Variants in SPAG17 observed in about 807,000 individuals in gnomAD.
SPAG17 encodes sperm associated antigen 17, also known as sperm-associated antigen 17.
A neutral mutation model predicts 273.6 loss-of-function variants in SPAG17; 169 were observed. The ratio of observed to expected loss-of-function variants is 0.62; its 90% CI spans 0.55 to 0.70. The LOEUF is 0.70. SPAG17 is among the 30% of genes least tolerant of loss of function. The pLI is 0.00. For synonymous variants in SPAG17, 825 were observed against 873.2 expected (o/e 0.94, Z 0.97); for missense variants, 2,557 against 2,627.8 (o/e 0.97, Z 0.59).
intron 34 of SPAG17, among the ~76,000 whole-genome samples, 177 bp downstream of exon 34, chr1:117,996,193 T>C (rs755512481): frequency 3.9e-5 from 6 of 152,108 alleles, no homozygotes; most frequent in African/African-American, 1.4e-4. Flanking sequence ...CAAGTAGCTA[T>C]ATAAATAAGT....
chr1:118,151,332 T>C lies in SPAG17; in HGVS notation c.125A>G (p.Asn42Ser), dbSNP rs754282860. 6 of 1,612,756 alleles carry C rather than the reference T, an allele frequency of 3.7e-6. 1 individual carries two copies. The South Asian group carries it at 6.6e-5, about 18-fold the overall frequency. ...WQASIAFVVG[N>S]QIEDDLLIQA... ...GATGAGAAGATCATCTTCAATCTGG[T>C]TCCCAACCACAAAAGCAATGGAGGC... is the stretch of plus-strand genomic sequence containing the variant. The change falls in exon 2 of 49, where the codon AAC becomes AGC. Residue 42 changes from asparagine to serine, a missense_variant. Coordinates refer to ENST00000336338, the MANE Select transcript of SPAG17 (RefSeq NM_206996.4).
At chr1:118,036,910 A>AT in intron 23 of SPAG17, 27 bp from the exon 24 acceptor site, 1 of 1,451,852 alleles carries the variant, frequency 6.9e-7, no homozygotes, top group Non-Finnish European at 9.5e-7. Flanking sequence ...AATCAAGAAC[A>AT]TTTTCATTTA....
chr1:118,135,729 A>G (rs1294088306), intron 3 of SPAG17, among the ~76,000 whole-genome samples: 1 of 152,162 alleles, frequency 6.6e-6, no homozygotes, highest in African/African-American at 2.4e-5. Flanking sequence ...CTGAGGCCAA[A>G]TGTGTGTGAG....
chr1:118,170,159 C>G (rs1003039034), intron 1 of SPAG17, among the ~76,000 whole-genome samples: 1 of 152,092 alleles, frequency 6.6e-6, no homozygotes, highest in African/African-American at 2.4e-5. Flanking sequence ...CTTCATATTT[C>G]AAAGTAAATC....
At chr1:117,978,730 C>T (rs918996663) in intron 43 of SPAG17, among the ~76,000 whole-genome samples, 1 of 152,116 alleles carries the variant, frequency 6.6e-6, no homozygotes, top group Non-Finnish European at 1.5e-5. Context: ...CAGTGATCTT[C>T]ATCTTGTTCA....
intron 13 of SPAG17, among the ~76,000 whole-genome samples, chr1:118,082,533 T>C (rs1022732909): frequency 1.3e-5 from 2 of 152,200 alleles, no homozygotes; most frequent in Admixed American, 6.5e-5. Flanking sequence ...TTTGTTCATT[T>C]CTCAAATATT....
intron 15 of SPAG17, among the ~76,000 whole-genome samples, chr1:118,079,985 T>C (rs1654409179): frequency 1.3e-5 from 2 of 152,334 alleles, no homozygotes; most frequent in Middle Eastern, 3.4e-3. Context: ...GACGCTATGG[T>C]ATAATGGAGG....
At chr1:118,093,382 T>C in intron 7 of SPAG17, 65 bp from the exon 8 acceptor site, 11 of 1,418,256 alleles carry the variant, frequency 7.8e-6, no homozygotes, top group African/African-American at 1.4e-5. Context: ...AGATATATGG[T>C]ATATATCTCT....
rs1287799642 is a variant in SPAG17, at chr1:118,081,253, T to TCATTATCTTG, written c.2047_2056dup (p.Glu686AlafsTer3). On this transcript the variant is annotated stop_gained and frameshift_variant, in exon 15 of 49. Transcript: ENST00000336338. LOFTEE classifies it high-confidence loss of function. ...AGGATCTGAAGGTTCTCGGTTGCTTTCATTATCTTGCACAGACATTGACAA... is the reference window on the plus strand; with the variant it reads ...AGGATCTGAAGGTTCTCGGTTGCTTTCATTATCTTGCATTATCTTGCACAGACATTGACAA... 4 of 1,614,034 alleles carry TCATTATCTTG rather than the reference T, an allele frequency of 2.5e-6. No homozygotes were observed. The highest frequency in any genetic ancestry group is 1.3e-5 in the African/African-American group (1 of 74,932).
chr1:117,970,428 G>C (rs930460920), intron 45 of SPAG17, among the ~76,000 whole-genome samples: 1 of 152,192 alleles, frequency 6.6e-6, no homozygotes, highest in Non-Finnish European at 1.5e-5. Context: ...GCATTTCAGC[G>C]TAGCTGCCAG....
At chr1:117,999,831 T>A (rs953132515) in intron 32 of SPAG17, among the ~76,000 whole-genome samples, 4 of 152,170 alleles carry the variant, frequency 2.6e-5, no homozygotes. Flanking sequence ...AGTTTAATTA[T>A]ATCTCATTTG....
intron 25 of SPAG17, among the ~76,000 whole-genome samples, chr1:118,029,145 G>A (rs980023855): frequency 6.6e-6 from 1 of 152,124 alleles, no homozygotes; most frequent in Non-Finnish European, 1.5e-5. Flanking sequence ...AGCTACTTGG[G>A]ATGCTGAGGT....
intron 4 of SPAG17, among the ~76,000 whole-genome samples, chr1:118,106,284 C>A (rs1438856908): frequency 1.3e-5 from 2 of 152,166 alleles, no homozygotes; most frequent in Admixed American, 1.3e-4. Flanking sequence ...TCCAAATATT[C>A]TATCTCGTCA....
intron 18 of SPAG17, among the ~76,000 whole-genome samples, chr1:118,064,232 T>C (rs564074701): frequency 9.4e-4 from 143 of 152,192 alleles, no homozygotes; most frequent in Non-Finnish European, 1.6e-3. Context: ...CATCCCATTA[T>C]TGAGTATATA....
intron 31 of SPAG17, among the ~76,000 whole-genome samples, chr1:118,007,280 G>A (rs568253695): frequency 1.5e-4 from 23 of 152,172 alleles, no homozygotes; most frequent in Non-Finnish European, 2.9e-4. Context: ...GAAGAGATGA[G>A]AGGGATAAAC....
At chr1:118,039,129 G>T (rs961508134) in intron 23 of SPAG17, among the ~76,000 whole-genome samples, 163 bp downstream of exon 23, 3 of 152,100 alleles carry the variant, frequency 2.0e-5, no homozygotes, top group Non-Finnish European at 2.9e-5. Context: ...ATCCATTAGG[G>T]TTCAGTTCAG....
intron 20 of SPAG17, among the ~76,000 whole-genome samples, chr1:118,043,116 A>G (rs1262249912): frequency 1.3e-5 from 2 of 152,248 alleles, no homozygotes; most frequent in African/African-American, 2.4e-5. Flanking sequence ...ACATGCTCAA[A>G]TAAATAAAAA....
intron 3 of SPAG17, among the ~76,000 whole-genome samples, chr1:118,139,073 C>G (rs1407260841): frequency 6.6e-6 from 1 of 151,402 alleles, no homozygotes; most frequent in Admixed American, 6.6e-5. Flanking sequence ...AAGGCCCAGA[C>G]AACTCAATAA....
At chr1:118,053,312 T>C (rs898209286) in intron 20 of SPAG17, among the ~76,000 whole-genome samples, 1 of 152,074 alleles carries the variant, frequency 6.6e-6, no homozygotes, top group Non-Finnish European at 1.5e-5. Flanking sequence ...AAATGTTTAT[T>C]GCATGCTCAT....
Sources: gnomAD v4.1 joint callset for allele counts (sites outside exome capture counted in the v4.1 genomes callset) on GRCh38, gnomAD v4.1.1 for gene constraint, MANE v1.5 for transcripts, NCBI Gene and HGNC (gene_info 2026-07-23, HGNC 2026-07-21) for gene names.